The following ADAMTS3 variants were observed in gnomAD, a reference collection of about 807,000 sequenced individuals.
The protein encoded by ADAMTS3 is ADAM metallopeptidase with thrombospondin type 1 motif 3, also known as A disintegrin and metalloproteinase with thrombospondin motifs 3.
Under a neutral mutation model 129.0 loss-of-function variants are expected in ADAMTS3, and 73 were observed. The ratio of observed to expected loss-of-function variants is 0.57; its 90% CI spans 0.47 to 0.69. The LOEUF (loss-of-function observed/expected upper bound fraction) is 0.69, where lower values mean the gene tolerates loss of function less well. Among genes scored for constraint, ADAMTS3 ranks in the 30% least tolerant of loss-of-function variants. The probability of loss-of-function intolerance (pLI) is 0.00; values close to 1 mark genes in which losing one functional copy is unlikely to be tolerated. For missense variants in ADAMTS3, 1,457 were observed against 1,514.5 expected (o/e 0.96, Z 0.63); for synonymous variants, 477 against 510.8 (o/e 0.93, Z 0.89).
intron 2 of ADAMTS3, among the ~76,000 whole-genome samples, chr4:72,559,409 C>T (rs892208538): frequency 6.6e-6 from 1 of 151,772 alleles, no homozygotes; most frequent in Non-Finnish European, 1.5e-5. Flanking sequence ...CCTCTCTCTA[C>T]TGCTATATTA....
At position 72,296,215 on chromosome 4, in the gene ADAMTS3, G is replaced by A. The variant is rs182685992; in HGVS notation, c.2591-429C>T. On this transcript the variant is annotated intron_variant, in intron 18 of 21. Transcript: ENST00000286657. ...AGAGGATCAGTACTTTTCTTCAGCA[G>A]AATACTGAAGTTCAAATAGTATGGG... Among the ~76,000 whole-genome samples the A allele has an allele frequency of 6.6e-5, 10 of 152,152 alleles. No homozygotes were observed. The East Asian group carries it at 1.7e-3, about 27-fold the overall frequency.
intron 3 of ADAMTS3, among the ~76,000 whole-genome samples, chr4:72,455,501 A>T (rs971778849): frequency 2.0e-5 from 3 of 151,456 alleles, no homozygotes; most frequent in African/African-American, 7.2e-5. Flanking sequence ...GAGCGATAGC[A>T]TTAGGAGAAA....
chr4:72,558,433 G>A (rs1721820422), intron 2 of ADAMTS3, among the ~76,000 whole-genome samples: 1 of 151,530 alleles, frequency 6.6e-6, no homozygotes, highest in Admixed American at 6.6e-5. Context: ...CACCTCTCTG[G>A]TTCTCTCTCT....
chr4:72,333,260 C>T (rs1719897015), intron 5 of ADAMTS3, among the ~76,000 whole-genome samples: 1 of 152,066 alleles, frequency 6.6e-6, no homozygotes, highest in Non-Finnish European at 1.5e-5. Flanking sequence ...TTTCAAATAC[C>T]TTCAAAGATT....
At chr4:72,302,768 C>T (rs1017346185) in intron 17 of ADAMTS3, among the ~76,000 whole-genome samples, 1 of 152,076 alleles carries the variant, frequency 6.6e-6, no homozygotes, top group African/African-American at 2.4e-5. Context: ...TCTTAAAAAG[C>T]AGCCAGAGAA....
chr4:72,398,777 C>A (rs1427732649), intron 4 of ADAMTS3, among the ~76,000 whole-genome samples: 1 of 152,088 alleles, frequency 6.6e-6, no homozygotes, highest in Non-Finnish European at 1.5e-5. Context: ...AGTTCTACAT[C>A]CTAAATCTGG....
chr4:72,307,506 G>T (rs1427359652), intron 15 of ADAMTS3, among the ~76,000 whole-genome samples: 1 of 152,008 alleles, frequency 6.6e-6, no homozygotes, highest in Admixed American at 6.6e-5. Context: ...CCCTTAAATA[G>T]AATGTCTTTA....
chr4:72,434,638 G>A (rs1422670462), intron 3 of ADAMTS3, among the ~76,000 whole-genome samples: 2 of 151,786 alleles, frequency 1.3e-5, no homozygotes, highest in Admixed American at 6.6e-5. Flanking sequence ...ATGATGAAAT[G>A]TCATGCCCAT....
At chr4:72,554,770 A>G (rs1721722524) in intron 2 of ADAMTS3, among the ~76,000 whole-genome samples, 1 of 151,916 alleles carries the variant, frequency 6.6e-6, no homozygotes, top group African/African-American at 2.4e-5. Flanking sequence ...ATTTCTCACT[A>G]CTAAGTATTA....
At position 72,457,070 on chromosome 4, in the gene ADAMTS3, T is replaced by A. The variant is rs796685520; in HGVS notation, c.505-42099A>T. ...TTTTTCTTCTTCTATGATTAAAATA[T>A]CTTTTAGTATTTCTAAATACCACAT... is the stretch of plus-strand genomic sequence containing the variant. On this transcript the variant is annotated intron_variant, in intron 3 of 21. Transcript: ENST00000286657. 1.4e-4 allele frequency among the ~76,000 whole-genome samples: 21 copies of A among 151,830 alleles called. 1 individual carries two copies. Among genetic ancestry groups the A allele is most frequent in the African/African-American group, 5.1e-4 (21 of 41,518 alleles).
chr4:72,515,758 T>C (rs1720453673), intron 3 of ADAMTS3, among the ~76,000 whole-genome samples: 1 of 151,786 alleles, frequency 6.6e-6, no homozygotes, highest in African/African-American at 2.4e-5. Context: ...ATGAGTAGGT[T>C]GCGAAAATTT....
chr4:72,338,672 A>G (rs1375232473), intron 5 of ADAMTS3, among the ~76,000 whole-genome samples: 1 of 152,200 alleles, frequency 6.6e-6, no homozygotes, highest in South Asian at 2.1e-4. Flanking sequence ...GTTGAGAGAT[A>G]GGGAAATAAA....
intron 21 of ADAMTS3, among the ~76,000 whole-genome samples, chr4:72,287,657 T>C (rs141179079): frequency 3.1e-3 from 465 of 151,672 alleles, no homozygotes; most frequent in African/African-American, 0.011. Flanking sequence ...GTGGCTGACA[T>C]AGAAAATGAG....
chr4:72,545,183 A>T (rs567518813), intron 3 of ADAMTS3, among the ~76,000 whole-genome samples: 2 of 152,308 alleles, frequency 1.3e-5, no homozygotes, highest in Admixed American at 6.5e-5. Context: ...ACAGATTTTT[A>T]AAAAATGAAA....
chr4:72,289,355 G>T (rs919375011), intron 20 of ADAMTS3, among the ~76,000 whole-genome samples: 1 of 152,186 alleles, frequency 6.6e-6, no homozygotes, highest in Admixed American at 6.5e-5. Flanking sequence ...CTTTCTTACA[G>T]ATAGCAGAAT....
At chr4:72,323,221 T>C (rs1052738307) in intron 5 of ADAMTS3, 124 bp from the exon 6 acceptor site, 9 of 721,252 alleles carry the variant, frequency 1.2e-5, no homozygotes, top group African/African-American at 1.2e-4. Flanking sequence ...TTGAGTTTAA[T>C]AGCTGAACTC....
chr4:72,305,905 T>C lies in ADAMTS3; in HGVS notation c.2260+82A>G, dbSNP rs577601525. On this transcript the variant is annotated intron_variant, in intron 16 of 21. Transcript: ENST00000286657. ...GTATGCACATATATGTGTACATATA[T>C]ACATATCTATATTTAGGATTTCTTT... The C allele has an allele frequency of 5.2e-6, 6 of 1,146,410 alleles. No individual in the cohort carries two copies. In the South Asian group the frequency reaches 7.6e-5, roughly 15 times the overall value. The allele number at this position is 1,146,410 out of a possible 1,614,324, so 71.0% of individuals were successfully genotyped here.
At chr4:72,419,348 G>C (rs1157077461) in intron 3 of ADAMTS3, among the ~76,000 whole-genome samples, 1 of 152,170 alleles carries the variant, frequency 6.6e-6, no homozygotes, top group Admixed American at 6.5e-5. Context: ...ATTCAATAAA[G>C]TTCTGATGAA....
chr4:72,515,072 G>A (rs915522014), intron 3 of ADAMTS3, among the ~76,000 whole-genome samples: 6 of 152,054 alleles, frequency 3.9e-5, no homozygotes, highest in Admixed American at 6.6e-5. Context: ...ATCTATGAAT[G>A]AGAACATGCG....
Sources: allele counts gnomAD v4.1 joint callset (sites outside exome capture counted in the v4.1 genomes callset), GRCh38; gene constraint gnomAD v4.1.1; transcripts MANE v1.5; gene names NCBI Gene and HGNC (gene_info 2026-07-23, HGNC 2026-07-21).